The following PRUNE2 variants were observed in gnomAD, a reference collection of about 807,000 sequenced individuals.
The protein encoded by PRUNE2 is protein prune homolog 2.
Under a neutral mutation model 252.0 loss-of-function variants are expected in PRUNE2, and 164 were observed. The observed-to-expected ratio is 0.65, with a 90% CI of 0.57 to 0.74. The LOEUF (loss-of-function observed/expected upper bound fraction) is 0.74. PRUNE2 is among the 30% of genes least tolerant of loss of function. The pLI is 0.00. For synonymous variants in PRUNE2, 1,292 were observed against 1,350.2 expected, an observed-to-expected ratio of 0.96 and a Z score of 0.94; for missense variants, 3,495 against 3,711.0, an observed-to-expected ratio of 0.94 and a Z score of 1.51.
intron 6 of PRUNE2, among the ~76,000 whole-genome samples, chr9:76,807,062 G>GCGCGCA (rs1491432345): frequency 6.0e-5 from 9 of 151,046 alleles, no homozygotes; most frequent in African/African-American, 1.9e-4. Context: ...GCGCGCGCGC[G>GCGCGCA]TGTGTCTGTC....
At chr9:76,736,135 AGTGTGTGTGTGT>A (rs10536918) in intron 6 of PRUNE2, among the ~76,000 whole-genome samples, 3 of 149,516 alleles carry the variant, frequency 2.0e-5, no homozygotes, top group African/African-American at 7.3e-5. Context: ...GGTTTGTGTG[AGTGTGTGTGTGT>A]GTGTGTGTGT....
chr9:76,896,304 T>C (rs2062818910), intron 1 of PRUNE2, among the ~76,000 whole-genome samples: 1 of 152,220 alleles, frequency 6.6e-6, no homozygotes, highest in Admixed American at 6.5e-5. Context: ...CTGTGAATGA[T>C]TTACAAGTAT....
rs1377624056 is a variant in PRUNE2 at position 76,823,655 on chromosome 9, T to C, written c.733A>G (p.Ser245Gly). 3 of 1,609,164 alleles carry C rather than the reference T, an allele frequency of 1.9e-6. No homozygotes were observed. The Admixed American group carries it at 5.0e-5, about 27-fold the overall frequency. The change falls in exon 6 of 19, where the codon AGT becomes GGT. Residue 245 changes from serine (S) to glycine (G), a missense_variant. Physicochemically the swap from Ser to Gly is moderately conservative, Grantham distance 56 (BLOSUM62 0). Coordinates refer to ENST00000376718, the MANE Select transcript of PRUNE2 (RefSeq NM_015225.3). ...LSDGEIKVAI[S>G]TVSMNLENCL... ...ACCTCAAGGTTCATGCTCACAGTACTAATGGCCACTTTTATTTCTCCATCT... is the reference window on the plus strand; with the variant it reads ...ACCTCAAGGTTCATGCTCACAGTACCAATGGCCACTTTTATTTCTCCATCT...
chr9:76,721,446 T>C (rs1427491455), intron 6 of PRUNE2, among the ~76,000 whole-genome samples: 2 of 152,234 alleles, frequency 1.3e-5, no homozygotes, highest in Admixed American at 1.3e-4. Context: ...GAGTAAGACT[T>C]TTATTAAGAA....
At chr9:76,740,448 CA>C (rs547815985) in intron 6 of PRUNE2, 1,856 of 82,094 alleles carry the variant, frequency 0.023, 18 homozygotes, top group African/African-American at 0.053. Flanking sequence ...AACTCCGTTT[CA>C]AAAAAAAAAA....
At chr9:76,779,120 A>C (rs1407049679) in intron 6 of PRUNE2, among the ~76,000 whole-genome samples, 1 of 152,268 alleles carries the variant, frequency 6.6e-6, no homozygotes, top group African/African-American at 2.4e-5. Flanking sequence ...CATTAAACAT[A>C]AAATCAATGT....
At chr9:76,850,412 G>T (rs748548025) in intron 3 of PRUNE2, 51 bp downstream of exon 3, 1 of 1,433,128 alleles carries the variant, frequency 7.0e-7, no homozygotes, top group South Asian at 1.2e-5. Context: ...ACTTTGCCCA[G>T]TAGAACCTTC....
chr9:76,636,725 G>A (rs993032922), intron 14 of PRUNE2, among the ~76,000 whole-genome samples, 168 bp from the exon 15 acceptor site: 5 of 152,066 alleles, frequency 3.3e-5, no homozygotes, highest in African/African-American at 1.2e-4. Context: ...ATCACCTGAG[G>A]TCAGGAGTTT....
intron 12 of PRUNE2, among the ~76,000 whole-genome samples, chr9:76,644,110 A>G (rs114873923): frequency 0.029 from 4,455 of 152,276 alleles, 236 homozygotes; most frequent in African/African-American, 0.1. Context: ...TCAAGGCCAC[A>G]TATGCTCCAG....
intron 11 of PRUNE2, among the ~76,000 whole-genome samples, chr9:76,645,634 T>C (rs1408284795): frequency 6.6e-6 from 1 of 151,966 alleles, no homozygotes; most frequent in East Asian, 1.9e-4. Context: ...AAATTTACTC[T>C]TGTGCATTTA....
intron 11 of PRUNE2, among the ~76,000 whole-genome samples, chr9:76,646,500 G>A (rs573653930): frequency 6.6e-6 from 1 of 152,216 alleles, no homozygotes; most frequent in Non-Finnish European, 1.5e-5. Flanking sequence ...CCACCAGCAT[G>A]CGGCAGCTTA....
At chr9:76,831,282 G>A (rs544969542) in intron 4 of PRUNE2, among the ~76,000 whole-genome samples, 3 of 95,946 alleles carry the variant, frequency 3.1e-5, no homozygotes, top group Admixed American at 1.1e-4. Flanking sequence ...AATGAAAGAA[G>A]TCTGAAAGTA....
At chr9:76,746,636 C>G (rs184994801) in intron 6 of PRUNE2, among the ~76,000 whole-genome samples, 1 of 139,690 alleles carries the variant, frequency 7.2e-6, no homozygotes, top group African/African-American at 2.7e-5. Flanking sequence ...ACCCGGGAAG[C>G]GGAGCTTGCA....
chr9:76,629,357 C>A (rs1277270552), intron 15 of PRUNE2, 67 bp from the exon 16 acceptor site: 1 of 819,740 alleles, frequency 1.2e-6, no homozygotes, highest in African/African-American at 1.8e-5. Context: ...AAGGCTATTG[C>A]CTTTTCTTGA....
chr9:76,705,346 T>A lies in PRUNE2; in HGVS notation c.6928A>T (p.Asn2310Tyr). Residue 2310 changes from asparagine to tyrosine, a missense_variant, in exon 8 of 19, where the codon AAC becomes TAC. Asn to Tyr is a moderately radical substitution (Grantham distance 143). Transcript: ENST00000376718. ...DHSFSDASGL[N>Y]TSTGTIDDMS... ...TCATCTATTGTTCCCGTGGATGTGTTGAGACCTGAGGCATCGCTGAAACTG... is the reference window on the plus strand; with the variant it reads ...TCATCTATTGTTCCCGTGGATGTGTAGAGACCTGAGGCATCGCTGAAACTG... 2 of 1,614,020 alleles carry A rather than the reference T, an allele frequency of 1.2e-6. No homozygotes were observed. Among genetic ancestry groups the A allele is most frequent in the Non-Finnish European group, 8.5e-7 (1 of 1,179,886 alleles).
intron 6 of PRUNE2, among the ~76,000 whole-genome samples, chr9:76,723,868 T>C (rs1012544264): frequency 4.0e-5 from 6 of 149,562 alleles, no homozygotes; most frequent in African/African-American, 1.5e-4. Context: ...GGTGCAGTGG[T>C]GCGATCTCGG....
At chr9:76,834,735 A>C (rs975236740) in intron 4 of PRUNE2, among the ~76,000 whole-genome samples, 1 of 152,248 alleles carries the variant, frequency 6.6e-6, no homozygotes, top group East Asian at 1.9e-4. Context: ...ACTAACTCAG[A>C]AAAATGCTCA....
At chr9:76,616,263 A>G (rs1351971254) in intron 18 of PRUNE2, among the ~76,000 whole-genome samples, 1 of 152,156 alleles carries the variant, frequency 6.6e-6, no homozygotes, top group African/African-American at 2.4e-5. Flanking sequence ...TCTTTTTCAT[A>G]TACCTTTACA....
rs955419970 is a variant in PRUNE2, at chr9:76,706,033, T to G, written c.6241A>C (p.Lys2081Gln). The G allele has an allele frequency of 1.9e-6, 3 of 1,613,880 alleles. No homozygotes were observed. The African/African-American group carries it at 4.0e-5, about 22-fold the overall frequency. ...WIDAKKPFSLKADGENPDILT... is the reference protein window; with the variant it reads ...WIDAKKPFSLQADGENPDILT... ...ATATCAGGATTCTCACCATCTGCTT[T>G]CAAACTGAAGGGCTTCTTAGCATCT... is the stretch of plus-strand genomic sequence containing the variant. Residue 2081 changes from lysine to glutamine, a missense_variant, in exon 8 of 19, where the codon AAA becomes CAA. Lys to Gln is a moderately conservative substitution (Grantham distance 53, BLOSUM62 1). Coordinates refer to ENST00000376718, the MANE Select transcript of PRUNE2 (RefSeq NM_015225.3).
Sources: gnomAD v4.1 joint callset for allele counts (sites outside exome capture counted in the v4.1 genomes callset) on GRCh38, gnomAD v4.1.1 for gene constraint, MANE v1.5 for transcripts, NCBI Gene and HGNC (gene_info 2026-07-23, HGNC 2026-07-21) for gene names.